The following NETO1 variants were observed in gnomAD, a reference collection of about 807,000 sequenced individuals.
The protein encoded by NETO1 is neuropilin and tolloid like 1.
NETO1 carries 26 observed loss-of-function variants against 61.3 expected under a neutral mutation model. The observed-to-expected ratio is 0.42, with a 90% CI of 0.31 to 0.59. The LOEUF is 0.59. NETO1 is among the 20% of genes least tolerant of loss of function. The pLI, the probability that NETO1 is intolerant of heterozygous loss-of-function variation, is 0.12. For synonymous variants in NETO1, 225 were observed against 225.8 expected, an observed-to-expected ratio of 1.00 and a Z score of 0.03; for missense variants, 531 against 662.8, an observed-to-expected ratio of 0.80 and a Z score of 2.18.
In NETO1 at chr18:72,836,220, G is replaced by A. The variant is rs189028818; in HGVS notation, c.469+22606C>T. Among the ~76,000 whole-genome samples, 651 of 152,090 alleles carry A rather than the reference G, an allele frequency of 4.3e-3. 6 individuals carry two copies. Among genetic ancestry groups the A allele is most frequent in the African/African-American group, 0.015 (608 of 41,488 alleles). ...TGCACAGGCTGTTTCCACTGCCCAG[G>A]GTGCTCCCCCTTTCTCTGCCAGCCC... On this transcript the variant is annotated intron_variant, in intron 4 of 10. Coordinates refer to ENST00000327305, the MANE Select transcript of NETO1 (RefSeq NM_138966.5).
chr18:72,770,002 C>T (rs2071302292), intron 7 of NETO1, among the ~76,000 whole-genome samples: 1 of 152,152 alleles, frequency 6.6e-6, no homozygotes, highest in Admixed American at 6.5e-5. Flanking sequence ...AATTGTCCTT[C>T]AGGAAATATT....
chr18:72,789,320 T>A (rs977573773), intron 6 of NETO1, among the ~76,000 whole-genome samples: 3 of 151,708 alleles, frequency 2.0e-5, no homozygotes, highest in African/African-American at 7.3e-5. Flanking sequence ...AGTACCAAAA[T>A]ATTTAAAGTC....
At chr18:72,805,533 T>C (rs555681040) in intron 4 of NETO1, among the ~76,000 whole-genome samples, 2 of 152,340 alleles carry the variant, frequency 1.3e-5, no homozygotes, top group South Asian at 4.1e-4. Flanking sequence ...TCCTTAACAC[T>C]GTATGATGTA....
At chr18:72,780,701 C>T (rs1176223707) in intron 7 of NETO1, among the ~76,000 whole-genome samples, 8 of 152,148 alleles carry the variant, frequency 5.3e-5, no homozygotes, top group East Asian at 1.9e-4. Context: ...CCCTAAATTG[C>T]GCTCAAAAGT....
At chr18:72,823,748 T>C (rs770758333) in intron 4 of NETO1, among the ~76,000 whole-genome samples, 1 of 152,142 alleles carries the variant, frequency 6.6e-6, no homozygotes, top group Non-Finnish European at 1.5e-5. Flanking sequence ...GAGAAAAGAA[T>C]ATAAAATTCA....
At chr18:72,794,434 C>T (rs778610193) in intron 4 of NETO1, 30 bp from the exon 5 acceptor site, 1 of 1,591,486 alleles carries the variant, frequency 6.3e-7, no homozygotes, top group African/African-American at 1.4e-5. Context: ...ACAATTAGTC[C>T]CATTCTACAT....
At chr18:72,856,151 G>A (rs552358786) in intron 4 of NETO1, among the ~76,000 whole-genome samples, 31 of 152,114 alleles carry the variant, frequency 2.0e-4, no homozygotes, top group Non-Finnish European at 4.4e-4. Context: ...AAGTTTCTGA[G>A]ACTGCGAGAT....
At chr18:72,840,057 T>G (rs2073880818) in intron 4 of NETO1, among the ~76,000 whole-genome samples, 1 of 152,206 alleles carries the variant, frequency 6.6e-6, no homozygotes, top group African/African-American at 2.4e-5. Flanking sequence ...TCCTCCACAT[T>G]TAATTCCTTT....
intron 7 of NETO1, among the ~76,000 whole-genome samples, chr18:72,769,762 T>A (rs997974495): frequency 1.3e-5 from 2 of 152,126 alleles, no homozygotes; most frequent in African/African-American, 4.8e-5. Flanking sequence ...GCTACTTGCT[T>A]CTAACCTCTT....
intron 8 of NETO1, 128 bp from the exon 9 acceptor site, chr18:72,750,748 G>A: frequency 3.3e-6 from 2 of 606,310 alleles, no homozygotes; most frequent in Admixed American, 3.2e-5. Flanking sequence ...AATTTTTACA[G>A]GCTTATAATA....
intron 7 of NETO1, among the ~76,000 whole-genome samples, chr18:72,779,476 C>A (rs1037172083): frequency 1.3e-5 from 2 of 152,130 alleles, no homozygotes; most frequent in Non-Finnish European, 2.9e-5. Flanking sequence ...AGCAATACCA[C>A]TGAGGAACTT....
intron 4 of NETO1, among the ~76,000 whole-genome samples, chr18:72,833,107 C>T (rs1392165252): frequency 3.3e-5 from 5 of 152,146 alleles, no homozygotes; most frequent in Non-Finnish European, 7.3e-5. Context: ...AACTTAAAGA[C>T]TCCATATATA....
chr18:72,749,327 T>A (rs867162303), intron 9 of NETO1, among the ~76,000 whole-genome samples: 1 of 152,158 alleles, frequency 6.6e-6, no homozygotes, highest in East Asian at 1.9e-4. Flanking sequence ...AAACGAAGTA[T>A]AAGTTGACAA....
Position 72,744,354 on chromosome 18 carries a change from A to G in NETO1, c.*3825T>C, listed in dbSNP as rs528319521. On this transcript the variant is annotated 3_prime_UTR_variant, in exon 11 of 11. Coordinates refer to ENST00000327305, the MANE Select transcript of NETO1 (RefSeq NM_138966.5). ...ATTTATTTAGCAGGATTATTTATAA[A>G]AACATTTCTGGCTATTTTAACAGTG... 14 of 152,308 alleles carry G rather than the reference A, an allele frequency of 9.2e-5. No individual in the cohort carries two copies. The highest frequency in any genetic ancestry group is 2.4e-4 in the African/African-American group (10 of 41,570). 9.4% of individuals were successfully genotyped at this position (152,308 alleles called of 1,614,324 possible).
At position 72,797,335 on chromosome 18, in the gene NETO1, T is replaced by C. The variant is rs994405763; in HGVS notation, c.470-2931A>G. Among the ~76,000 whole-genome samples, 8 of 152,230 alleles carry C rather than the reference T, an allele frequency of 5.3e-5. No individual in the cohort carries two copies. The East Asian group carries it at 9.6e-4, about 18-fold the overall frequency. On this transcript the variant is annotated intron_variant, in intron 4 of 10. Transcript: ENST00000327305. Reference sequence around the variant, plus strand: ...AAATTTATTTTTGTCTTTGTATTAATAGTGATAGCACTGATAGTTTAAAAA... The same window carrying C: ...AAATTTATTTTTGTCTTTGTATTAACAGTGATAGCACTGATAGTTTAAAAA...
At chr18:72,770,918 G>A (rs763939422) in intron 7 of NETO1, among the ~76,000 whole-genome samples, 3 of 152,058 alleles carry the variant, frequency 2.0e-5, no homozygotes, top group Admixed American at 2.0e-4. Context: ...ATTGGAAAAT[G>A]TGTTAATTTA....
At chr18:72,754,651 C>T (rs147943003) in intron 8 of NETO1, among the ~76,000 whole-genome samples, 117 of 152,194 alleles carry the variant, frequency 7.7e-4, no homozygotes, top group Middle Eastern at 3.4e-3. Flanking sequence ...ATGAATTTAG[C>T]ACCCAAGCTT....
Position 72,748,050 on chromosome 18 carries a change from TA to T in NETO1, c.*128del. On this transcript the variant is annotated 3_prime_UTR_variant, in exon 11 of 11. Transcript: ENST00000327305. ...TTGCCGAAGGAATAACAAATGTCTG[TA>T]ATTCTTAAGTTTGGATAAAGGCAGT... is the stretch of plus-strand genomic sequence containing the variant. 1.3e-6 allele frequency: 1 copy of T among 745,552 alleles called. No individual in the cohort carries two copies. The highest frequency in any genetic ancestry group is 6.8e-4 in the Middle Eastern group (1 of 1,480). The allele number at this position is 745,552 out of a possible 1,614,324, so 46.2% of individuals were successfully genotyped here. A position where few individuals can be genotyped will look rare whatever the true frequency, so the allele number is the denominator to read the frequency against.
intron 4 of NETO1, among the ~76,000 whole-genome samples, chr18:72,829,943 A>G (rs2073518678): frequency 6.6e-6 from 1 of 152,210 alleles, no homozygotes; most frequent in Admixed American, 6.5e-5. Flanking sequence ...ACTTCTGAAT[A>G]TATTCGCAGT....
Sources: allele counts gnomAD v4.1 joint callset (sites outside exome capture counted in the v4.1 genomes callset), GRCh38; gene constraint gnomAD v4.1.1; transcripts MANE v1.5; gene names NCBI Gene and HGNC (gene_info 2026-07-23, HGNC 2026-07-21).